ENPP2: variants seen among roughly 807,000 people sequenced by gnomAD.
The protein encoded by ENPP2 is ectonucleotide pyrophosphatase/phosphodiesterase 2, also known as autotaxin.
ENPP2 carries 51 observed loss-of-function variants against 120.2 expected under a neutral mutation model. The observed-to-expected ratio is 0.42, with a 90% CI of 0.34 to 0.54. The LOEUF is 0.54. Among genes scored for constraint, ENPP2 ranks in the 20% least tolerant of loss-of-function variants. The pLI, the probability that ENPP2 is intolerant of heterozygous loss-of-function variation, is 0.04. For synonymous variants in ENPP2, 365 were observed against 366.4 expected, an observed-to-expected ratio of 1.00 and a Z score of 0.04; for missense variants, 920 against 1,066.5, an observed-to-expected ratio of 0.86 and a Z score of 1.91.
At chr8:119,621,979 A>G (rs1279959360) in intron 3 of ENPP2, among the ~76,000 whole-genome samples, 2 of 152,074 alleles carry the variant, frequency 1.3e-5, no homozygotes, top group Non-Finnish European at 2.9e-5. Flanking sequence ...CCCACTCTGG[A>G]GTGCTGTGGC....
intron 8 of ENPP2, among the ~76,000 whole-genome samples, chr8:119,612,693 A>G (rs1815193095): frequency 6.6e-6 from 1 of 152,148 alleles, no homozygotes; most frequent in African/African-American, 2.4e-5. Context: ...AGTTGGAGAC[A>G]ATCCTGGGCA....
chr8:119,667,204 T>A (rs1049204123), intron 1 of ENPP2, among the ~76,000 whole-genome samples: 1 of 152,118 alleles, frequency 6.6e-6, no homozygotes, highest in African/African-American at 2.4e-5. Flanking sequence ...TATGTGAACT[T>A]TATACACAGA....
chr8:119,663,564 C>T (rs79140985), intron 1 of ENPP2, among the ~76,000 whole-genome samples: 3,054 of 152,268 alleles, frequency 0.02, 106 homozygotes, highest in African/African-American at 0.069. Context: ...ATAGTTTCAC[C>T]ATCTGGGAAC....
chr8:119,584,133 T>A, intron 15 of ENPP2, 84 bp from the exon 16 acceptor site: 1 of 873,456 alleles, frequency 1.1e-6, no homozygotes, highest in South Asian at 1.4e-5. Context: ...ACAAAGAATA[T>A]CTAAGAAGGG....
intron 22 of ENPP2, among the ~76,000 whole-genome samples, chr8:119,565,334 C>T (rs532444067): frequency 1.3e-4 from 20 of 152,120 alleles, no homozygotes; most frequent in Non-Finnish European, 1.9e-4. Flanking sequence ...GAAAATAAGG[C>T]CTTACTCTTT....
At chr8:119,656,814 T>C (rs1817776660) in intron 1 of ENPP2, among the ~76,000 whole-genome samples, 1 of 152,242 alleles carries the variant, frequency 6.6e-6, no homozygotes, top group Non-Finnish European at 1.5e-5. Flanking sequence ...GAATTTGCTA[T>C]ATTCTGATAA....
intron 24 of ENPP2, among the ~76,000 whole-genome samples, chr8:119,559,756 C>T (rs1003186805): frequency 1.3e-5 from 2 of 152,152 alleles, no homozygotes; most frequent in Non-Finnish European, 2.9e-5. Flanking sequence ...AAGCACAATC[C>T]ATGAACTTGC....
chr8:119,579,495 A>C (rs1218170451), intron 19 of ENPP2, among the ~76,000 whole-genome samples: 2 of 152,226 alleles, frequency 1.3e-5, no homozygotes, highest in Non-Finnish European at 2.9e-5. Flanking sequence ...ACATGGAGCA[A>C]AGCTGCCCTT....
intron 2 of ENPP2, among the ~76,000 whole-genome samples, chr8:119,627,065 GTGA>G (rs1816330280): frequency 1.3e-5 from 2 of 152,232 alleles, no homozygotes; most frequent in African/African-American, 4.8e-5. Flanking sequence ...CTGCAAATCT[GTGA>G]TGATTAGTGC....
chr8:119,618,837 C>G (rs1322371554), intron 5 of ENPP2, among the ~76,000 whole-genome samples: 2 of 151,850 alleles, frequency 1.3e-5, no homozygotes, highest in Admixed American at 1.3e-4. Context: ...GTAATAATTA[C>G]TTATTGGATA....
At chr8:119,573,408 T>TAAAAAAAAAAAAAAAAAAA (rs35227070) in intron 19 of ENPP2, among the ~76,000 whole-genome samples, 5 of 124,382 alleles carry the variant, frequency 4.0e-5, no homozygotes, top group Non-Finnish European at 6.5e-5. Context: ...CTCCGTCTCT[T>TAAAAAAAAAAAAAAAAAAA]AAAAAAAAAA....
At position 119,561,220 on chromosome 8, in the gene ENPP2, T is replaced by A. The variant is rs1321083581; in HGVS notation, c.2421+1637A>T. 2.0e-5 allele frequency among the ~76,000 whole-genome samples: 3 copies of A among 152,308 alleles called. No homozygotes were observed. The South Asian group carries it at 6.2e-4, about 32-fold the overall frequency. On this transcript the variant is annotated intron_variant, in intron 24 of 24. Transcript: ENST00000075322. ...TTCACCCATAATTGAAGTCAACAGA[T>A]CAAAAACTATCTTGCCCACAAAGCT...
At chr8:119,586,378 C>T (rs1813113678) in intron 14 of ENPP2, 65 bp from the exon 15 acceptor site, 4 of 1,515,620 alleles carry the variant, frequency 2.6e-6, no homozygotes, top group South Asian at 1.1e-5. Context: ...TACAAATTCT[C>T]TCTCTAGAAA....
chr8:119,600,893 CT>C (rs972108218), intron 10 of ENPP2, 143 bp from the exon 11 acceptor site: 23,810 of 448,854 alleles, frequency 0.053, 11 homozygotes, highest in South Asian at 0.069. Flanking sequence ...GCATGAAAAA[CT>C]TTTTTTTTTT....
chr8:119,669,991 A>T (rs757073513), intron 1 of ENPP2, among the ~76,000 whole-genome samples: 5 of 152,154 alleles, frequency 3.3e-5, no homozygotes, highest in Non-Finnish European at 7.3e-5. Context: ...GCCCATTCTG[A>T]GGTTCTGGAT....
chr8:119,652,338 G>C (rs72688237), intron 1 of ENPP2, among the ~76,000 whole-genome samples: 2 of 152,040 alleles, frequency 1.3e-5, no homozygotes, highest in Non-Finnish European at 2.9e-5. Flanking sequence ...TATGAATTTG[G>C]GAAGGACATA....
chr8:119,626,862 T>C (rs529748080), intron 2 of ENPP2, 142 bp from the exon 3 acceptor site: 1 of 698,074 alleles, frequency 1.4e-6, no homozygotes, highest in Non-Finnish European at 2.4e-6. Flanking sequence ...ACCCATGTAC[T>C]CTGGGCAGGT....
At chr8:119,596,064 A>C in intron 11 of ENPP2, 1 of 1,489,380 alleles carries the variant, frequency 6.7e-7, no homozygotes, top group Non-Finnish European at 9.2e-7. Flanking sequence ...GTCAGATATA[A>C]AGCTTACACT....
intron 1 of ENPP2, among the ~76,000 whole-genome samples, chr8:119,667,735 T>C (rs1273411465): frequency 6.6e-6 from 1 of 152,228 alleles, no homozygotes; most frequent in Non-Finnish European, 1.5e-5. Context: ...CAACTCATTG[T>C]TCATACTGCA....
Sources: allele counts gnomAD v4.1 joint callset (sites outside exome capture counted in the v4.1 genomes callset), GRCh38; gene constraint gnomAD v4.1.1; transcripts MANE v1.5; gene names NCBI Gene and HGNC (gene_info 2026-07-23, HGNC 2026-07-21).